The following CCNY variants were observed in gnomAD, a reference collection of about 807,000 sequenced individuals.
The protein encoded by CCNY is cyclin-Y.
A neutral mutation model predicts 42.8 loss-of-function variants in CCNY; 19 were observed. The observed-to-expected ratio is 0.44, with a 90% CI of 0.31 to 0.65. The LOEUF is 0.65. Ranked by LOEUF, CCNY falls within the 30% of genes least tolerant of loss-of-function variation. The probability of loss-of-function intolerance (pLI) is 0.07; values close to 1 mark genes in which losing one functional copy is unlikely to be tolerated. For missense variants in CCNY, 370 were observed against 437.3 expected, an observed-to-expected ratio of 0.85 and a Z score of 1.37; for synonymous variants, 165 against 162.7, an observed-to-expected ratio of 1.01 and a Z score of -0.11.
rs529493569 is a variant in CCNY, at chr10:35,557,670, C to T, written c.746+4485C>T. Among the ~76,000 whole-genome samples, 8 of 152,248 alleles carry T rather than the reference C, an allele frequency of 5.3e-5. No homozygotes were observed. In the South Asian group the frequency reaches 6.2e-4, roughly 12 times the overall value. On this transcript the variant is annotated intron_variant, in intron 8 of 9. Coordinates refer to ENST00000374704, the MANE Select transcript of CCNY (RefSeq NM_145012.6). ...ACTCAGGAGGCTGAGGCAGGAGAAT[C>T]GCTTGAGCCCAGGAGGCGGAGGTTG...
At chr10:35,266,009 T>C (rs1248975138) in intron 3 of CCNY, among the ~76,000 whole-genome samples, 1 of 152,092 alleles carries the variant, frequency 6.6e-6, no homozygotes, top group Non-Finnish European at 1.5e-5. Context: ...CATCCCTGGG[T>C]TGTTATGAAG....
intron 1 of CCNY, among the ~76,000 whole-genome samples, chr10:35,349,502 C>T (rs1211339107): frequency 6.6e-6 from 1 of 152,184 alleles, no homozygotes; most frequent in Admixed American, 6.5e-5. Context: ...TGCAAGTTGG[C>T]GATACACTTC....
At chr10:35,346,734 C>G (rs1836312420) in intron 1 of CCNY, among the ~76,000 whole-genome samples, 1 of 152,180 alleles carries the variant, frequency 6.6e-6, no homozygotes, top group Admixed American at 6.5e-5. Context: ...TTAAGTGATC[C>G]TCCCACCTCA....
intron 2 of CCNY, among the ~76,000 whole-genome samples, chr10:35,495,517 T>C (rs947204359): frequency 6.6e-6 from 1 of 152,236 alleles, no homozygotes; most frequent in African/African-American, 2.4e-5. Flanking sequence ...CTCAACATCT[T>C]AGAAATGTTT....
intron 1 of CCNY, among the ~76,000 whole-genome samples, chr10:35,467,138 T>C (rs1371987855): frequency 2.0e-5 from 3 of 152,352 alleles, no homozygotes; most frequent in East Asian, 3.9e-4. Flanking sequence ...AATAATTGTA[T>C]GTACAGATGA....
chr10:35,525,079 A>C (rs912452436), intron 4 of CCNY, among the ~76,000 whole-genome samples: 10 of 152,220 alleles, frequency 6.6e-5, no homozygotes, highest in African/African-American at 2.4e-4. Context: ...AACAACCTAA[A>C]TGTTCATTAG....
At chr10:35,303,032 C>CAAAAAT (rs1042721649) in intron 3 of CCNY, among the ~76,000 whole-genome samples, 4 of 151,912 alleles carry the variant, frequency 2.6e-5, no homozygotes, top group Non-Finnish European at 4.4e-5. Context: ...CCTGTCTCTA[C>CAAAAAT]AAAAATAAAA....
At chr10:35,540,578 AAG>A (rs1376701611) in intron 7 of CCNY, among the ~76,000 whole-genome samples, 4 of 146,608 alleles carry the variant, frequency 2.7e-5, no homozygotes, top group African/African-American at 5.3e-5. Context: ...TTTTTTTTTG[AAG>A]AGTTTGTGGA....
intron 7 of CCNY, among the ~76,000 whole-genome samples, chr10:35,545,808 A>G (rs1023220893): frequency 2.0e-5 from 3 of 152,224 alleles, no homozygotes; most frequent in Non-Finnish European, 4.4e-5. Flanking sequence ...TTATTAACCT[A>G]TATTAATAAT....
chr10:35,447,393 G>C (rs1416688717), intron 1 of CCNY, among the ~76,000 whole-genome samples: 1 of 152,174 alleles, frequency 6.6e-6, no homozygotes, highest in Non-Finnish European at 1.5e-5. Context: ...TAGCGATAAC[G>C]TGGTAAGCCA....
chr10:35,364,551 G>C (rs1333131306), intron 1 of CCNY, among the ~76,000 whole-genome samples: 1 of 152,114 alleles, frequency 6.6e-6, no homozygotes, highest in South Asian at 2.1e-4. Flanking sequence ...CTTTGAGTGT[G>C]TTCATAAAAG....
At position 35,358,100 on chromosome 10, in the gene CCNY, T is replaced by A. The variant is rs139376250; in HGVS notation, c.154+20893T>A. Among the ~76,000 whole-genome samples the A allele has an allele frequency of 4.1e-4, 62 of 152,296 alleles. 2 individuals are homozygous for A. The East Asian group carries it at 0.012, about 29-fold the overall frequency. On this transcript the variant is annotated intron_variant, in intron 1 of 9. Coordinates refer to ENST00000374704, the MANE Select transcript of CCNY (RefSeq NM_145012.6). The stretch of plus-strand genomic sequence containing the variant: ...TTTTCTCTTGATTTGGAAAATGCAC[T>A]TTTTTGCTTTTTTTGCCCCCCGCAA...
rs375018745 is a variant in CCNY, at chr10:35,351,297, G to A, written c.154+14090G>A. The stretch of plus-strand genomic sequence containing the variant: ...TTTATACGACACATCTGGAAGTGAC[G>A]TGGAAGATGAACTCTTCAGGTCAAT... On this transcript the variant is annotated intron_variant, in intron 1 of 9. Coordinates refer to ENST00000374704, the MANE Select transcript of CCNY (RefSeq NM_145012.6). 4.6e-5 allele frequency among the ~76,000 whole-genome samples: 7 copies of A among 152,214 alleles called. No individual in the cohort carries two copies. In the East Asian group the frequency reaches 5.8e-4, roughly 13 times the overall value.
intron 8 of CCNY, among the ~76,000 whole-genome samples, chr10:35,565,422 G>A (rs571313516): frequency 2.0e-5 from 3 of 152,312 alleles, no homozygotes; most frequent in South Asian, 2.1e-4. Context: ...AGGTGATGGG[G>A]TGCGTGCTCA....
intron 3 of CCNY, among the ~76,000 whole-genome samples, chr10:35,285,022 T>C (rs1446183535): frequency 1.3e-5 from 2 of 152,188 alleles, no homozygotes; most frequent in Non-Finnish European, 2.9e-5. Flanking sequence ...GTTTTATTTA[T>C]TTATTTTTTT....
intron 3 of CCNY, among the ~76,000 whole-genome samples, chr10:35,266,513 C>G (rs1465203427): frequency 6.6e-6 from 1 of 152,022 alleles, no homozygotes; most frequent in Non-Finnish European, 1.5e-5. Flanking sequence ...GACACAGGCA[C>G]ACATTTCTCC....
chr10:35,488,876 T>C (rs1839840403), intron 2 of CCNY, among the ~76,000 whole-genome samples: 1 of 152,252 alleles, frequency 6.6e-6, no homozygotes, highest in African/African-American at 2.4e-5. Context: ...CACTCCTTTA[T>C]CATCTTGAAC....
At chr10:35,264,698 A>T (rs2095723234) in intron 3 of CCNY, among the ~76,000 whole-genome samples, 1 of 151,990 alleles carries the variant, frequency 6.6e-6, no homozygotes, top group Non-Finnish European at 1.5e-5. Flanking sequence ...TCTGTCACCC[A>T]TGCTGGAGTG....
At chr10:35,323,269 C>G (rs1835842356) in intron 3 of CCNY, among the ~76,000 whole-genome samples, 1 of 152,094 alleles carries the variant, frequency 6.6e-6, no homozygotes, top group African/African-American at 2.4e-5. Context: ...AGCATACAAC[C>G]CAGTAGTCTT....
Sources: allele counts gnomAD v4.1 joint callset (sites outside exome capture counted in the v4.1 genomes callset), GRCh38; gene constraint gnomAD v4.1.1; transcripts MANE v1.5; gene names NCBI Gene and HGNC (gene_info 2026-07-23, HGNC 2026-07-21).